NWD2: variants seen among roughly 807,000 people sequenced by gnomAD.
NWD2 encodes the protein NACHT and WD repeat domain-containing protein 2.
A neutral mutation model predicts 132.7 loss-of-function variants in NWD2; 37 were observed. That is an observed-to-expected ratio of 0.28 (90% CI 0.21 to 0.37). The LOEUF (loss-of-function observed/expected upper bound fraction) is 0.37, where lower values mean the gene tolerates loss of function less well. Among genes scored for constraint, NWD2 ranks in the 10% least tolerant of loss-of-function variants. The pLI is 1.00. For synonymous variants in NWD2, 705 were observed against 803.0 expected (o/e 0.88, Z 2.06); for missense variants, 1,592 against 2,122.4 (o/e 0.75, Z 4.91).
chr4:37,322,253 A>G (rs1290897348), intron 1 of NWD2, among the ~76,000 whole-genome samples: 1 of 152,186 alleles, frequency 6.6e-6, no homozygotes, highest in Non-Finnish European at 1.5e-5. Flanking sequence ...GGAGGCACAC[A>G]ATAAACAAAT....
chr4:37,254,632 A>G (rs559811887), intron 1 of NWD2, among the ~76,000 whole-genome samples: 1 of 152,354 alleles, frequency 6.6e-6, no homozygotes, highest in East Asian at 1.9e-4. Flanking sequence ...TTTAGCTTCC[A>G]TTGCAATTTT....
At chr4:37,393,351 G>A (rs1361964161) in intron 3 of NWD2, among the ~76,000 whole-genome samples, 1 of 152,092 alleles carries the variant, frequency 6.6e-6, no homozygotes, top group Non-Finnish European at 1.5e-5. Flanking sequence ...TTAAGTTTTT[G>A]GAAGGGGTTC....
At chr4:37,413,340 CATTT>C (rs1226201393) in intron 3 of NWD2, among the ~76,000 whole-genome samples, 2 of 152,168 alleles carry the variant, frequency 1.3e-5, no homozygotes, top group Non-Finnish European at 2.9e-5. Context: ...CAAAAGAAGA[CATTT>C]ATGCAGCCAA....
intron 1 of NWD2, among the ~76,000 whole-genome samples, chr4:37,322,640 A>T (rs182949707): frequency 6.6e-6 from 1 of 152,192 alleles, no homozygotes; most frequent in Admixed American, 6.5e-5. Flanking sequence ...GATCTGATTT[A>T]CATTTTGGAA....
intron 3 of NWD2, among the ~76,000 whole-genome samples, chr4:37,389,352 A>C (rs1240396828): frequency 6.6e-6 from 1 of 152,234 alleles, no homozygotes; most frequent in African/African-American, 2.4e-5. Flanking sequence ...TCTTTTGTAC[A>C]GGTTTAATGT....
At chr4:37,403,974 T>G (rs923673992) in intron 3 of NWD2, among the ~76,000 whole-genome samples, 4 of 152,230 alleles carry the variant, frequency 2.6e-5, no homozygotes, top group Non-Finnish European at 4.4e-5. Flanking sequence ...TCATCAAGAT[T>G]ATAGGAGTGA....
chr4:37,365,178 ATAAT>A (rs1232810290), intron 3 of NWD2, among the ~76,000 whole-genome samples: 1 of 152,364 alleles, frequency 6.6e-6, no homozygotes, highest in Middle Eastern at 3.4e-3. Context: ...ATCATTTGAA[ATAAT>A]TACAGTATTT....
intron 1 of NWD2, among the ~76,000 whole-genome samples, chr4:37,282,183 A>G (rs1718142337): frequency 1.3e-5 from 2 of 152,252 alleles, no homozygotes; most frequent in Non-Finnish European, 2.9e-5. Context: ...ATGAAAGGCT[A>G]TTAAAAATGA....
At chr4:37,405,421 T>TAATAGAATAGAATAGAATAGAATAG (rs36213513) in intron 3 of NWD2, among the ~76,000 whole-genome samples, 4 of 141,306 alleles carry the variant, frequency 2.8e-5, no homozygotes, top group African/African-American at 8.1e-5. Context: ...TAGTTGAATG[T>TAATAGAATAGAATAGAATAGAATAG]AATAGAATAG....
At position 37,446,771 on chromosome 4, in the gene NWD2, G is replaced by A; in HGVS notation, c.4783G>A (p.Ala1595Thr). ...RNGEEEDENG[A>T]IFSLIVMRLA... is the part of the protein sequence containing the mutation. Reference sequence around the variant, plus strand: ...TGGGGAGGAGGAGGATGAAAATGGTGCAATATTCAGTTTAATTGTAATGAG... The same window carrying A: ...TGGGGAGGAGGAGGATGAAAATGGTACAATATTCAGTTTAATTGTAATGAG... The change falls in exon 7 of 7, where the codon GCA becomes ACA. Residue 1595 changes from alanine (A) to threonine (T), a missense_variant. Physicochemically the swap from Ala to Thr is moderately conservative, Grantham distance 58. This residue lies in a region of NWD2 where 257 missense variants were observed against 335.0 expected (regional missense o/e 0.77). Transcript: ENST00000309447. This position sits in a 1 kb window ranked among gnomAD's most constrained non-coding sequence, Gnocchi z 6.7. 6.4e-7 allele frequency: 1 copy of A among 1,551,808 alleles called. No individual in the cohort carries two copies. The highest frequency in any genetic ancestry group is 8.7e-7 in the Non-Finnish European group (1 of 1,147,048).
rs528517624 is a variant in NWD2 at position 37,332,467 on chromosome 4, A to AAAAT, written c.240+6446_240+6447insTAAA. Among the ~76,000 whole-genome samples, 781 of 151,982 alleles carry AAAAT rather than the reference A, an allele frequency of 5.1e-3. 5 individuals carry two copies. Among genetic ancestry groups the AAAAT allele is most frequent in the Non-Finnish European group, 7.7e-3 (526 of 67,960 alleles). On this transcript the variant is annotated intron_variant, in intron 2 of 6. Transcript: ENST00000309447. ...TAACCTGCTGCCTTGAAAAAAAAAA[A>AAAAT]AAAAAGGACCCAGTCCTAGCAGGAC...
intron 3 of NWD2, among the ~76,000 whole-genome samples, chr4:37,386,454 T>G (rs1720566039): frequency 6.6e-6 from 1 of 152,036 alleles, no homozygotes; most frequent in Non-Finnish European, 1.5e-5. Context: ...CCTGGGTGCT[T>G]ACTGTACTCT....
At chr4:37,349,402 G>T (rs1304116137) in intron 2 of NWD2, among the ~76,000 whole-genome samples, 1 of 152,170 alleles carries the variant, frequency 6.6e-6, no homozygotes, top group Non-Finnish European at 1.5e-5. Flanking sequence ...GTATCTCATT[G>T]TGGTTCTGAT....
intron 1 of NWD2, among the ~76,000 whole-genome samples, chr4:37,277,842 A>AT (rs1303945827): frequency 6.6e-6 from 1 of 151,692 alleles, no homozygotes; most frequent in African/African-American, 2.4e-5. Context: ...GTATTTTTAT[A>AT]TTTTTCCCTG....
chr4:37,418,936 C>CT (rs895651293), intron 3 of NWD2, among the ~76,000 whole-genome samples: 42 of 147,280 alleles, frequency 2.9e-4, no homozygotes, highest in Admixed American at 4.1e-4. Context: ...TGATGATGAG[C>CT]TTTTTTTTTT....
chr4:37,267,133 CA>C, intron 1 of NWD2, among the ~76,000 whole-genome samples: 1 of 151,932 alleles, frequency 6.6e-6, no homozygotes, highest in East Asian at 1.9e-4. Context: ...AGTCTAGGTA[CA>C]AATGGTCTTT....
chr4:37,291,295 A>C (rs1406804712), intron 1 of NWD2, among the ~76,000 whole-genome samples: 2 of 152,142 alleles, frequency 1.3e-5, no homozygotes, highest in African/African-American at 4.8e-5. Flanking sequence ...TGTGGGACTT[A>C]ACCTTTTTGT....
At chr4:37,350,687 C>T (rs1160027112) in intron 2 of NWD2, among the ~76,000 whole-genome samples, 10 of 152,104 alleles carry the variant, frequency 6.6e-5, no homozygotes, top group Non-Finnish European at 1.5e-4. Context: ...CCTTCTTTTG[C>T]CTGATTGCCC....
intron 1 of NWD2, among the ~76,000 whole-genome samples, chr4:37,311,810 G>A (rs1718848266): frequency 6.7e-6 from 1 of 149,166 alleles, no homozygotes; most frequent in Non-Finnish European, 1.5e-5. Flanking sequence ...TTTGTATAAG[G>A]TATAAGGAAG....
Sources: gnomAD v4.1 joint callset for allele counts (sites outside exome capture counted in the v4.1 genomes callset) on GRCh38, gnomAD v4.1.1 for gene constraint, gnomAD v4.1.1 regional missense constraint, Gnocchi (gnomAD v3.1) non-coding constraint, MANE v1.5 for transcripts, NCBI Gene and HGNC (gene_info 2026-07-23, HGNC 2026-07-21) for gene names.